The following PAPPA variants were observed in gnomAD, a reference collection of about 807,000 sequenced individuals.
PAPPA encodes the protein pappalysin-1.
Under a neutral mutation model 164.0 loss-of-function variants are expected in PAPPA, and 60 were observed. The observed-to-expected ratio is 0.37, with a 90% CI of 0.30 to 0.45. PAPPA has a LOEUF of 0.45. Among genes scored for constraint, PAPPA ranks in the 20% least tolerant of loss-of-function variants. PAPPA has a pLI of 1.00. For missense variants in PAPPA, 1,782 were observed against 2,087.3 expected (o/e 0.85, Z 2.85); for synonymous variants, 875 against 814.1 (o/e 1.07, Z -1.27).
chr9:116,185,958 G>A (rs1198513786), intron 1 of PAPPA, among the ~76,000 whole-genome samples: 1 of 152,074 alleles, frequency 6.6e-6, no homozygotes, highest in African/African-American at 2.4e-5. Flanking sequence ...AGGATCTGAT[G>A]GATCTAGGAT....
intron 17 of PAPPA, among the ~76,000 whole-genome samples, chr9:116,354,091 C>T (rs949785328): frequency 6.6e-6 from 1 of 152,140 alleles, no homozygotes; most frequent in Non-Finnish European, 1.5e-5. Context: ...CCTCCATTAC[C>T]ACCCATGTTG....
intron 10 of PAPPA, among the ~76,000 whole-genome samples, chr9:116,305,880 G>A (rs1362355725): frequency 6.6e-6 from 1 of 151,616 alleles, no homozygotes; most frequent in Non-Finnish European, 1.5e-5. Context: ...TCAGCATTGA[G>A]TGTCACTCTG....
rs397974030 is a variant in PAPPA at position 116,334,238 on chromosome 9, T to TAAA, written c.3398-603_3398-601dup. Among the ~76,000 whole-genome samples the TAAA allele has an allele frequency of 4.7e-3, 514 of 108,962 alleles. 3 individuals are homozygous for TAAA. Among genetic ancestry groups the TAAA allele is most frequent in the Non-Finnish European group, 7.4e-3 (398 of 54,068 alleles). The allele number at this position is 108,962 out of a possible 152,430, so 71.5% of individuals were successfully genotyped here. A position where few individuals can be genotyped will look rare whatever the true frequency, so the allele number is the denominator to read the frequency against. On this transcript the variant is annotated intron_variant, in intron 12 of 21. Coordinates refer to ENST00000328252, the MANE Select transcript of PAPPA (RefSeq NM_002581.5). ...GAGAATGGGAACCTGCTGGCTGCAT[T>TAAA]AAAAAAAAAAAAAAAAAAAAAACAG... is the stretch of plus-strand genomic sequence containing the variant.
chr9:116,205,735 C>T lies in PAPPA; in HGVS notation c.1479-1721C>T, dbSNP rs554026121. ...GGCTTTCTACATGCCAGGCATTATT[C>T]TAAGCCCTTTACACTCTCTTTATTA... On this transcript the variant is annotated intron_variant, in intron 2 of 21. Transcript: ENST00000328252. 1.1e-4 allele frequency among the ~76,000 whole-genome samples: 16 copies of T among 152,312 alleles called. No individual in the cohort carries two copies. The South Asian group carries it at 2.9e-3, about 28-fold the overall frequency.
Position 116,154,295 on chromosome 9 carries a change from C to T in PAPPA, c.123C>T (p.Ala41=). 4 of 961,346 alleles carry T rather than the reference C, an allele frequency of 4.2e-6. No homozygotes were observed. The highest frequency in any genetic ancestry group is 4.9e-6 in the Non-Finnish European group (4 of 809,946). 59.6% of individuals were successfully genotyped at this position (961,346 alleles called of 1,614,324 possible). The change falls in exon 1 of 22, where the codon GCC becomes GCT. Residue 41 remains alanine, a synonymous_variant. Coordinates refer to ENST00000328252, the MANE Select transcript of PAPPA (RefSeq NM_002581.5). The surrounding 1 kb of genome is among the most constrained non-coding windows in gnomAD (Gnocchi z 5.2). The stretch of plus-strand genomic sequence containing the variant: ...GGGCCGGCCGACCCCCGCGCCCCGC[C>T]GCCGGCCCGGCCACCTGCGCCACCC... ...DPRAGRPPRP[A]AGPATCATRA...
chr9:116,157,073 A>G (rs1020045458), intron 1 of PAPPA, among the ~76,000 whole-genome samples: 2 of 152,194 alleles, frequency 1.3e-5, no homozygotes, highest in African/African-American at 4.8e-5. Flanking sequence ...TTTCAGGCAG[A>G]GAGTTGCTGT....
chr9:116,314,375 G>C (rs550159550), intron 10 of PAPPA, among the ~76,000 whole-genome samples: 1 of 152,134 alleles, frequency 6.6e-6, no homozygotes, highest in East Asian at 1.9e-4. Flanking sequence ...GGTCTCTCCA[G>C]AGATTTTTAA....
chr9:116,374,698 T>G (rs1362278192), intron 19 of PAPPA, among the ~76,000 whole-genome samples: 1 of 152,184 alleles, frequency 6.6e-6, no homozygotes, highest in Non-Finnish European at 1.5e-5. Flanking sequence ...GGGGAAGGCA[T>G]GGGCATCGAA....
intron 10 of PAPPA, among the ~76,000 whole-genome samples, chr9:116,311,754 G>A (rs1250862263): frequency 2.0e-5 from 3 of 152,152 alleles, no homozygotes; most frequent in Non-Finnish European, 4.4e-5. Flanking sequence ...ACGTGGCTAC[G>A]TCTTGCGAGG....
At chr9:116,308,703 G>A (rs542418105) in intron 10 of PAPPA, among the ~76,000 whole-genome samples, 1 of 152,326 alleles carries the variant, frequency 6.6e-6, no homozygotes, top group Admixed American at 6.5e-5. Context: ...GGAACACCGG[G>A]AAAGTGGGCA....
chr9:116,251,635 A>G (rs1439386090), intron 7 of PAPPA, among the ~76,000 whole-genome samples: 2 of 152,152 alleles, frequency 1.3e-5, no homozygotes, highest in Non-Finnish European at 2.9e-5. Flanking sequence ...CTCCAACTGT[A>G]TCTGGTGTTT....
At chr9:116,396,187 C>T (rs1249738780) in intron 21 of PAPPA, among the ~76,000 whole-genome samples, 1 of 152,134 alleles carries the variant, frequency 6.6e-6, no homozygotes, top group Non-Finnish European at 1.5e-5. Context: ...TCAGTTTCCC[C>T]ATCAATAAAA....
chr9:116,395,913 T>C (rs1324403087), intron 21 of PAPPA, among the ~76,000 whole-genome samples: 3 of 152,294 alleles, frequency 2.0e-5, no homozygotes, highest in East Asian at 3.9e-4. Context: ...CAAAAGACAC[T>C]TCCACATCCT....
intron 4 of PAPPA, among the ~76,000 whole-genome samples, chr9:116,215,175 T>C (rs765168081): frequency 5.9e-5 from 9 of 152,100 alleles, no homozygotes; most frequent in Non-Finnish European, 8.8e-5. Flanking sequence ...AGCATGAAAT[T>C]TGGAGTGAGG....
chr9:116,377,727 C>A, intron 20 of PAPPA, 80 bp downstream of exon 20: 1 of 1,084,106 alleles, frequency 9.2e-7, no homozygotes, highest in Non-Finnish European at 1.4e-6. Flanking sequence ...TTAATGTTGG[C>A]TATCCTTTGC....
chr9:116,204,573 C>G (rs2118668840), intron 2 of PAPPA, among the ~76,000 whole-genome samples: 1 of 152,178 alleles, frequency 6.6e-6, no homozygotes, highest in Admixed American at 6.5e-5. Flanking sequence ...GCCACCATGC[C>G]CAGCTAAATT....
chr9:116,300,092 A>T (rs1181888029), intron 9 of PAPPA, among the ~76,000 whole-genome samples: 5 of 152,118 alleles, frequency 3.3e-5, no homozygotes, highest in Non-Finnish European at 7.4e-5. Context: ...GGCCTAGGTT[A>T]TACGATATGT....
intron 15 of PAPPA, among the ~76,000 whole-genome samples, chr9:116,352,135 T>C (rs1319004413): frequency 6.6e-6 from 1 of 152,172 alleles, no homozygotes; most frequent in Non-Finnish European, 1.5e-5. Flanking sequence ...TTGGCAAAGC[T>C]TCACTGAGCA....
intron 10 of PAPPA, among the ~76,000 whole-genome samples, chr9:116,324,802 A>C (rs1021960445): frequency 6.6e-6 from 1 of 152,026 alleles, no homozygotes; most frequent in African/African-American, 2.4e-5. Context: ...ACAACATGTG[A>C]GAGAAAGAGT....
Sources: gnomAD v4.1 joint callset for allele counts (sites outside exome capture counted in the v4.1 genomes callset) on GRCh38, gnomAD v4.1.1 for gene constraint, Gnocchi (gnomAD v3.1) non-coding constraint, MANE v1.5 for transcripts, NCBI Gene and HGNC (gene_info 2026-07-23, HGNC 2026-07-21) for gene names.